The following OPHN1 variants were observed in gnomAD, a reference collection of about 807,000 sequenced individuals.
The protein encoded by OPHN1 is oligophrenin-1.
A neutral mutation model predicts 60.7 loss-of-function variants in OPHN1; 11 were observed. The ratio of observed to expected loss-of-function variants is 0.18; its 90% confidence interval spans 0.11 to 0.30. The LOEUF (loss-of-function observed/expected upper bound fraction) is 0.30. OPHN1 is among the 10% of genes least tolerant of loss of function. The probability of loss-of-function intolerance (pLI) is 1.00; values close to 1 mark genes in which losing one functional copy is unlikely to be tolerated. For synonymous variants in OPHN1, 226 were observed against 222.6 expected, an observed-to-expected ratio of 1.02 and a Z score of -0.14; for missense variants, 449 against 611.0, an observed-to-expected ratio of 0.73 and a Z score of 2.80.
At chrX:68,195,126 A>G (rs2077507832) in intron 12 of OPHN1, among the ~76,000 whole-genome samples, 1 of 111,465 alleles carries the variant, frequency 9.0e-6, no homozygotes, top group Non-Finnish European at 1.9e-5. Flanking sequence ...ACAGTTCACC[A>G]TAGCTACAGT....
chrX:68,138,862 T>C (rs2077231340), intron 15 of OPHN1, among the ~76,000 whole-genome samples: 1 of 112,038 alleles, frequency 8.9e-6, no homozygotes, highest in African/African-American at 3.2e-5. Flanking sequence ...AGTCTGACTA[T>C]AGAGCCCGTG....
chrX:68,208,263 G>A (rs1206183493), intron 9 of OPHN1, among the ~76,000 whole-genome samples: 1 of 109,787 alleles, frequency 9.1e-6, no homozygotes, highest in Non-Finnish European at 1.9e-5. Flanking sequence ...GCTAATTTTT[G>A]TATTTTTAGT....
At chrX:68,213,803 T>A (rs2077596032) in intron 7 of OPHN1, 59 bp downstream of exon 7, 1 of 681,194 alleles carries the variant, frequency 1.5e-6, no homozygotes, top group African/African-American at 2.2e-5. Flanking sequence ...TCAAAGTTTG[T>A]ACATTTACCA....
rs767599291 is a variant in OPHN1, at chrX:68,339,108, A to T, written c.155-40012T>A. Among the ~76,000 whole-genome samples the T allele has an allele frequency of 4.8e-5, 5 of 104,211 alleles. No homozygotes were observed. The East Asian group carries it at 1.4e-3, about 30-fold the overall frequency. 90.5% of individuals were successfully genotyped at this position (104,211 alleles called of 115,157 possible). ...AAAAAATATATATATATATATATTT[A>T]TATATATATGAAAATTAATGTAATA... is the stretch of plus-strand genomic sequence containing the variant. On this transcript the variant is annotated intron_variant, in intron 2 of 24. Coordinates refer to ENST00000355520, the MANE Select transcript of OPHN1 (RefSeq NM_002547.3).
intron 3 of OPHN1, among the ~76,000 whole-genome samples, chrX:68,284,198 A>G (rs768179876): frequency 1.8e-5 from 2 of 111,467 alleles, no homozygotes; most frequent in South Asian, 3.8e-4. Context: ...AAAGGAAAAG[A>G]CTAAATTTCA....
intron 5 of OPHN1, among the ~76,000 whole-genome samples, chrX:68,242,572 T>C (rs1461361681): frequency 1.8e-5 from 2 of 111,202 alleles, no homozygotes; most frequent in African/African-American, 3.3e-5. Flanking sequence ...CTCCAAAGTA[T>C]ATACCCAAAA....
intron 6 of OPHN1, among the ~76,000 whole-genome samples, chrX:68,223,607 G>A (rs1447031917): frequency 2.7e-5 from 3 of 110,874 alleles, no homozygotes; most frequent in Admixed American, 9.7e-5. Context: ...TACACTATTC[G>A]GGTGACAGGT....
chrX:68,148,406 T>C (rs2077272417), intron 15 of OPHN1, among the ~76,000 whole-genome samples: 1 of 110,458 alleles, frequency 9.1e-6, no homozygotes, highest in African/African-American at 3.3e-5. Flanking sequence ...TCCTCAGGGC[T>C]GCCAGTGGAG....
intron 22 of OPHN1, 92 bp downstream of exon 22, chrX:68,053,553 T>C: frequency 1.1e-6 from 1 of 927,508 alleles, no homozygotes; most frequent in Admixed American, 2.4e-5. Context: ...CCCAGGGCTG[T>C]GCACTGTATA....
intron 20 of OPHN1, 115 bp downstream of exon 20, chrX:68,073,037 C>T (rs2076940407): frequency 1.1e-6 from 1 of 873,629 alleles, no homozygotes; most frequent in African/African-American, 2.0e-5. Flanking sequence ...GCTCAGGAGC[C>T]AGGAAAGGTC....
At chrX:68,329,861 A>G (rs1289117388) in intron 2 of OPHN1, among the ~76,000 whole-genome samples, 3 of 112,024 alleles carry the variant, frequency 2.7e-5, no homozygotes, top group Non-Finnish European at 3.8e-5. Context: ...TACAAGGTGA[A>G]TATTGCCTGA....
intron 15 of OPHN1, among the ~76,000 whole-genome samples, chrX:68,138,478 A>G (rs886794405): frequency 1.8e-5 from 2 of 112,162 alleles, no homozygotes; most frequent in East Asian, 2.8e-4. Flanking sequence ...TTGTATGACT[A>G]TATGGGCTGC....
intron 15 of OPHN1, among the ~76,000 whole-genome samples, chrX:68,163,032 C>A (rs952939930): frequency 6.3e-5 from 7 of 110,842 alleles, no homozygotes; most frequent in Non-Finnish European, 1.3e-4. Flanking sequence ...GAAGACTTTG[C>A]CTAAATAATA....
At chrX:68,368,553 G>A (rs755702666) in intron 2 of OPHN1, among the ~76,000 whole-genome samples, 259 of 109,512 alleles carry the variant, frequency 2.4e-3, no homozygotes, top group Non-Finnish European at 4.0e-3. Context: ...AAAAAAAAAC[G>A]CAACCATGTA....
chrX:68,416,095 G>A (rs1293129215), intron 2 of OPHN1, among the ~76,000 whole-genome samples: 13 of 92,538 alleles, frequency 1.4e-4, no homozygotes, highest in Admixed American at 3.9e-4. Context: ...GAGAGAGAGA[G>A]AGAGAGAGAG....
intron 15 of OPHN1, chrX:68,133,487 C>T (rs2077206657): frequency 2.0e-6 from 1 of 507,750 alleles, no homozygotes; most frequent in Admixed American, 2.4e-5. Context: ...TCAAGAGATG[C>T]CTGCTGTACA....
intron 15 of OPHN1, among the ~76,000 whole-genome samples, chrX:68,167,624 C>T (rs750842636): frequency 9.2e-6 from 1 of 109,140 alleles, no homozygotes; most frequent in Non-Finnish European, 1.9e-5. Flanking sequence ...TACATGCGCG[C>T]ATGCATGCAT....
chrX:68,387,539 G>A lies in OPHN1; in HGVS notation c.154+45328C>T, dbSNP rs1025893367. 1.3e-4 allele frequency among the ~76,000 whole-genome samples: 14 copies of A among 111,305 alleles called. No homozygotes were observed. The East Asian group carries it at 2.8e-3, about 22-fold the overall frequency. ...AAATACTGTATCTGTTTGTTTACTC[G>A]TGTATTTTATGTCTCTTTCTATGAA... On this transcript the variant is annotated intron_variant, in intron 2 of 24. Coordinates refer to ENST00000355520, the MANE Select transcript of OPHN1 (RefSeq NM_002547.3).
rs1057256374 is a variant in OPHN1 at position 68,140,680 on chromosome X, C to T, written c.1277-21348G>A. On this transcript the variant is annotated intron_variant, in intron 15 of 24. Transcript: ENST00000355520. ...CTTGGCCCTAAGTGAAAACAGCTGACCCCATTTTTCCACCCAAATAATTGC... is the reference window on the plus strand; with the variant it reads ...CTTGGCCCTAAGTGAAAACAGCTGATCCCATTTTTCCACCCAAATAATTGC... 1.3e-4 allele frequency among the ~76,000 whole-genome samples: 14 copies of T among 109,880 alleles called. No homozygotes were observed. The Admixed American group carries it at 1.4e-3, about 11-fold the overall frequency.
Sources: allele counts gnomAD v4.1 joint callset (sites outside exome capture counted in the v4.1 genomes callset), GRCh38; gene constraint gnomAD v4.1.1; transcripts MANE v1.5; gene names NCBI Gene and HGNC (gene_info 2026-07-23, HGNC 2026-07-21).